The following ZNF558 variants were observed in gnomAD, a reference collection of about 807,000 sequenced individuals.
ZNF558 encodes zinc finger protein 558.
In ZNF558, 23 loss-of-function variants were observed where a neutral mutation model predicts 37.6. That is an observed-to-expected ratio of 0.61 (90% CI 0.44 to 0.87). ZNF558 has a LOEUF of 0.87. Ranked by LOEUF, ZNF558 falls within the 40% of genes least tolerant of loss-of-function variation. The pLI, the probability that ZNF558 is intolerant of heterozygous loss-of-function variation, is 0.00. For missense variants in ZNF558, 429 were observed against 483.7 expected (o/e 0.89, Z 1.06); for synonymous variants, 189 against 174.4 (o/e 1.08, Z -0.66).
chr19:8,823,848 T>G (rs918958863), intron 4 of ZNF558: 1 of 152,078 alleles, frequency 6.6e-6, no homozygotes, highest in Non-Finnish European at 1.5e-5. Context: ...GGCTGTGACG[T>G]TGCCACTCTG....
chr19:8,821,142 G>T, intron 7 of ZNF558, 38 bp downstream of exon 7: 1 of 1,606,810 alleles, frequency 6.2e-7, no homozygotes. Context: ...GTTGCCACTG[G>T]AGTCATTAAA....
intron 7 of ZNF558, among the ~76,000 whole-genome samples, chr19:8,816,007 C>T (rs1216507885): frequency 6.6e-6 from 1 of 151,962 alleles, no homozygotes; most frequent in Non-Finnish European, 1.5e-5. Context: ...CCAAGAAGCT[C>T]AACAAACTCA....
chr19:8,807,832 A>T lies in ZNF558; in HGVS notation c.*3449T>A, dbSNP rs973209846. ...TTAGGTGAAGTATTTCAATGGCAAA[A>T]CTTTGCCTGGCACACAGAACATACT... On this transcript the variant is annotated 3_prime_UTR_variant, in exon 10 of 10. Transcript: ENST00000601372. The T allele has an allele frequency of 6.6e-6, 1 of 152,064 alleles. No individual in the cohort carries two copies. Among genetic ancestry groups the T allele is most frequent in the Non-Finnish European group, 1.5e-5 (1 of 68,032 alleles). 9.4% of individuals were successfully genotyped at this position (152,064 alleles called of 1,614,324 possible).
chr19:8,827,746 G>C (rs867450387), intron 2 of ZNF558, among the ~76,000 whole-genome samples: 1 of 151,856 alleles, frequency 6.6e-6, no homozygotes, highest in Non-Finnish European at 1.5e-5. Context: ...GCTAATTTTC[G>C]TATTTTTAGT....
intron 1 of ZNF558, among the ~76,000 whole-genome samples, chr19:8,831,851 G>C (rs1339092745): frequency 6.6e-6 from 1 of 152,126 alleles, no homozygotes; most frequent in East Asian, 1.9e-4. Flanking sequence ...CCTGTACAAC[G>C]TAGGATCTTT....
intron 2 of ZNF558, among the ~76,000 whole-genome samples, chr19:8,829,235 G>A (rs1457581118): frequency 6.6e-6 from 1 of 151,830 alleles, no homozygotes; most frequent in Non-Finnish European, 1.5e-5. Flanking sequence ...ACTCCAGCCT[G>A]GGTAACAGAG....
At chr19:8,821,627 T>C in intron 6 of ZNF558, 1 of 1,326,504 alleles carries the variant, frequency 7.5e-7, no homozygotes, top group Non-Finnish European at 9.6e-7. Flanking sequence ...TGATCTTATT[T>C]CCCTCAATCT....
At position 8,809,386 on chromosome 19, in the gene ZNF558, A is replaced by G. The variant is rs982479435; in HGVS notation, c.*1895T>C. On this transcript the variant is annotated 3_prime_UTR_variant, in exon 10 of 10. Coordinates refer to ENST00000601372, the MANE Select transcript of ZNF558 (RefSeq NM_144693.3). ...ACCCGCCTGGGCTTCAGGAAAAACT[A>G]TAAGATTGAGAACTTTCGATATTGT... The G allele has an allele frequency of 1.1e-4, 16 of 152,240 alleles. No individual in the cohort carries two copies. Among genetic ancestry groups the G allele is most frequent in the Admixed American group, 3.9e-4 (6 of 15,286 alleles). The allele number at this position is 152,240 out of a possible 1,614,324, so 9.4% of individuals were successfully genotyped here.
At chr19:8,820,660 T>A (rs577634817) in intron 7 of ZNF558, among the ~76,000 whole-genome samples, 1 of 152,198 alleles carries the variant, frequency 6.6e-6, no homozygotes, top group East Asian at 1.9e-4. Context: ...GTATTTTTAG[T>A]GGAGATGGGG....
upstream of ZNF558, chr19:8,833,534 C>T (rs1172457052): frequency 6.6e-6 from 1 of 152,128 alleles, no homozygotes; most frequent in Non-Finnish European, 1.5e-5. Context: ...CTATTACCTC[C>T]CCCCCAACAA....
chr19:8,814,542 G>A (rs114561948), intron 7 of ZNF558, among the ~76,000 whole-genome samples: 1,972 of 152,214 alleles, frequency 0.013, 35 homozygotes, highest in African/African-American at 0.043. Flanking sequence ...ATATTCTTAA[G>A]AACCTGTAAT....
Position 8,822,925 on chromosome 19 carries a change from G to A in ZNF558, c.-65-201C>T, listed in dbSNP as rs1490918389. ...TGCCTTCCTCTGTCCCCAACACAAC[G>A]ACCAGTACCTCCCTGACCCACCCGC... On this transcript the variant is annotated intron_variant, in intron 4 of 9. Coordinates refer to ENST00000601372, the MANE Select transcript of ZNF558 (RefSeq NM_144693.3). This position sits in a 1 kb window ranked among gnomAD's most constrained non-coding sequence, Gnocchi z 4.4. 5.5e-6 allele frequency: 3 copies of A among 547,434 alleles called. No homozygotes were observed. Among genetic ancestry groups the A allele is most frequent in the Admixed American group, 6.1e-5 (2 of 32,638 alleles). The allele number at this position is 547,434 out of a possible 1,614,324, so 33.9% of individuals were successfully genotyped here.
At chr19:8,812,679 G>A (rs141897429) in intron 8 of ZNF558, 36 bp from the exon 9 acceptor site, 39 of 1,425,302 alleles carry the variant, frequency 2.7e-5, no homozygotes, top group African/African-American at 2.7e-4. Flanking sequence ...GGTTGATGGA[G>A]AAAAGAAATG....
At chr19:8,820,487 G>A (rs763440587) in intron 7 of ZNF558, among the ~76,000 whole-genome samples, 7 of 152,044 alleles carry the variant, frequency 4.6e-5, no homozygotes, top group Non-Finnish European at 8.8e-5. Context: ...AAGTTTTTTT[G>A]TTTTGTTTTT....
intron 7 of ZNF558, among the ~76,000 whole-genome samples, chr19:8,815,598 T>G (rs956432677): frequency 1.3e-5 from 2 of 151,944 alleles, no homozygotes; most frequent in Non-Finnish European, 2.9e-5. Context: ...CTGGGAAACA[T>G]GGTGAGATCC....
At chr19:8,832,786 C>T (rs745443211), upstream of ZNF558, among the ~76,000 whole-genome samples, 2 of 148,994 alleles carry the variant, frequency 1.3e-5, no homozygotes, top group East Asian at 2.0e-4. Flanking sequence ...GGGTGGAGAC[C>T]TCCATTTCCG....
In ZNF558 at chr19:8,809,268, G is replaced by A. The variant is rs2043730674; in HGVS notation, c.*2013C>T. The A allele has an allele frequency of 6.6e-6, 1 of 152,200 alleles. No homozygotes were observed. Among genetic ancestry groups the A allele is most frequent in the Non-Finnish European group, 1.5e-5 (1 of 68,032 alleles). 9.4% of individuals were successfully genotyped at this position (152,200 alleles called of 1,614,324 possible). A position where few individuals can be genotyped will look rare whatever the true frequency, so the allele number is the denominator to read the frequency against. Reference sequence around the variant, plus strand: ...CCACTTTCCAAGAGACAGAATGGGTGAGGTGAATGGAAAATATGTGAGGAG... The same window carrying A: ...CCACTTTCCAAGAGACAGAATGGGTAAGGTGAATGGAAAATATGTGAGGAG... On this transcript the variant is annotated 3_prime_UTR_variant, in exon 10 of 10. Transcript: ENST00000601372.
At chr19:8,831,523 G>A (rs1445523489) in intron 1 of ZNF558, 122 bp from the exon 2 acceptor site, 1 of 152,178 alleles carries the variant, frequency 6.6e-6, no homozygotes, top group Non-Finnish European at 1.5e-5. Flanking sequence ...ATGATTAAAT[G>A]TGTAATAAGG....
In ZNF558 at chr19:8,822,697, G is replaced by A. The variant is rs745475585; in HGVS notation, c.-38C>T. On this transcript the variant is annotated 5_prime_UTR_variant, in exon 5 of 10. Coordinates refer to ENST00000601372, the MANE Select transcript of ZNF558 (RefSeq NM_144693.3). The surrounding 1 kb of genome is among the most constrained non-coding windows in gnomAD (Gnocchi z 4.4). ...ACAGCAACAGGGCAGCCGGGAAGCA[G>A]GACGCTCCTCCTTTATCCCGCAGCG... The A allele has an allele frequency of 6.2e-7, 1 of 1,613,946 alleles. No homozygotes were observed. Among genetic ancestry groups the A allele is most frequent in the South Asian group, 1.1e-5 (1 of 91,074 alleles).
Sources: gnomAD v4.1 joint callset for allele counts (sites outside exome capture counted in the v4.1 genomes callset) on GRCh38, gnomAD v4.1.1 for gene constraint, Gnocchi (gnomAD v3.1) non-coding constraint, MANE v1.5 for transcripts, NCBI Gene and HGNC (gene_info 2026-07-23, HGNC 2026-07-21) for gene names.